The following CENPT variants were observed in gnomAD, a reference collection of about 807,000 sequenced individuals.
CENPT encodes centromere protein T.
A neutral mutation model predicts 59.7 loss-of-function variants in CENPT; 42 were observed. The ratio of observed to expected loss-of-function variants is 0.70; its 90% CI spans 0.55 to 0.91. The LOEUF (loss-of-function observed/expected upper bound fraction) is 0.91. CENPT is among the 40% of genes least tolerant of loss of function. CENPT has a pLI of 0.00. For missense variants in CENPT, 716 were observed against 713.4 expected, an observed-to-expected ratio of 1.00 and a Z score of -0.04; for synonymous variants, 295 against 289.6, an observed-to-expected ratio of 1.02 and a Z score of -0.19.
In CENPT at chr16:67,828,193, G is replaced by A; in HGVS notation, c.*74C>T. ...ACACTTTATTGATGCTGGGGGGGTGGGGAGGAGACCTGGAGAAATATGTGG... is the reference window on the plus strand; with the variant it reads ...ACACTTTATTGATGCTGGGGGGGTGAGGAGGAGACCTGGAGAAATATGTGG... On this transcript the variant is annotated 3_prime_UTR_variant, in exon 16 of 16. Transcript: ENST00000562787. The A allele has an allele frequency of 2.0e-6, 3 of 1,508,294 alleles. No individual in the cohort carries two copies. The Admixed American group carries it at 6.4e-5, about 32-fold the overall frequency. 93.4% of individuals were successfully genotyped at this position (1,508,294 alleles called of 1,614,324 possible). A position where few individuals can be genotyped will look rare whatever the true frequency, so the allele number is the denominator to read the frequency against.
intron 1 of CENPT, among the ~76,000 whole-genome samples, chr16:67,838,655 C>T (rs1032565013): frequency 3.3e-5 from 5 of 151,402 alleles, no homozygotes; most frequent in Non-Finnish European, 7.4e-5. Context: ...TGGCCAGGCG[C>T]GGTGGCTCAC....
chr16:67,844,529 A>G (rs1417358153), intron 1 of CENPT, among the ~76,000 whole-genome samples: 1 of 152,228 alleles, frequency 6.6e-6, no homozygotes, highest in East Asian at 1.9e-4. Context: ...TTCAATTCTC[A>G]GCTGGGATTG....
rs773369180 is a variant in CENPT at position 67,828,573 on chromosome 16, T to C, written c.1463A>G (p.Asp488Gly). 2.5e-6 allele frequency: 4 copies of C among 1,614,196 alleles called. No individual in the cohort carries two copies. Among genetic ancestry groups the C allele is most frequent in the Non-Finnish European group, 2.5e-6 (3 of 1,180,042 alleles). The change falls in exon 15 of 16, where the codon GAT becomes GGT. Residue 488 changes from aspartate to glycine, a missense_variant. Asp to Gly is a moderately conservative substitution (Grantham distance 94, BLOSUM62 -1). Transcript: ENST00000562787. ...ATCACAAAGATGCTGGAAATATTTA[T>C]CTAGGCTGTCAAGAAGGTGGGGATA... ...KALEMVEKCL[D>G]KYFQHLCDDL...
At chr16:67,829,743 C>A (rs369353260) in intron 12 of CENPT, 22 bp downstream of exon 12, 2 of 1,608,092 alleles carry the variant, frequency 1.2e-6, no homozygotes, top group Admixed American at 1.7e-5. Flanking sequence ...TCACCAGTCA[C>A]TCCCTGCACT....
At position 67,832,076 on chromosome 16, in the gene CENPT, C is replaced by A. The variant is rs1598143226; in HGVS notation, c.322G>T (p.Val108Leu). ...TGCGGTGCTGGCACTGGCTTCACTA[C>A]CGACTCAGGCATCAGGATGGAAGAT... is the stretch of plus-strand genomic sequence containing the variant. ...PESSILMPES[V>L]VKPVPAPQAV... Residue 108 changes from valine (V) to leucine (L), a missense_variant, in exon 7 of 16, where the codon GTA becomes TTA. Coordinates refer to ENST00000562787, the MANE Select transcript of CENPT (RefSeq NM_025082.4). The A allele has an allele frequency of 2.5e-6, 4 of 1,612,284 alleles. No homozygotes were observed. The highest frequency in any genetic ancestry group is 2.5e-6 in the Non-Finnish European group (3 of 1,178,766).
At chr16:67,847,166 T>G (rs2151291629) in intron 1 of CENPT, 1 of 147,928 alleles carries the variant, frequency 6.8e-6, no homozygotes, top group Middle Eastern at 3.4e-3. Context: ...GCCGGTCCTG[T>G]GAGGCGGCGG....
chr16:67,831,857 G>T lies in CENPT; in HGVS notation c.420C>A (p.Pro140=), dbSNP rs562051979. ...LELQLPELEP[P]TTLAPGLLAP... is the part of the protein sequence containing the mutation. ...CCAGCAGACCTGGAGCCAGGGTTGT[G>T]GGGGGCTCGAGCTCAGGAAGTTGCA... The change falls in exon 8 of 16, where the codon CCC becomes CCA. Residue 140 remains proline, a synonymous_variant. Transcript: ENST00000562787. 18 of 1,611,256 alleles carry T rather than the reference G, an allele frequency of 1.1e-5. No homozygotes were observed. The highest frequency in any genetic ancestry group is 6.7e-5 in the Admixed American group (4 of 59,454).
chr16:67,835,985 C>T (rs912034534), intron 1 of CENPT, among the ~76,000 whole-genome samples: 3 of 151,794 alleles, frequency 2.0e-5, no homozygotes, highest in South Asian at 2.1e-4. Context: ...CCTCATGATC[C>T]GCCTGCCTCA....
intron 10 of CENPT, 95 bp from the exon 11 acceptor site, chr16:67,830,643 A>G: frequency 7.5e-7 from 1 of 1,338,964 alleles, no homozygotes; most frequent in Non-Finnish European, 1.0e-6. Flanking sequence ...GCTGCTACTC[A>G]GCGTTGCCAG....
rs1555493246 is a variant in CENPT at position 67,832,028 on chromosome 16, C to T, written c.370G>A (p.Glu124Lys). The T allele has an allele frequency of 1.2e-6, 2 of 1,606,438 alleles. No individual in the cohort carries two copies. The highest frequency in any genetic ancestry group is 1.7e-6 in the Non-Finnish European group (2 of 1,175,108). ...APQAVQPSRQ[E>K]SSCGSLELQL... The stretch of plus-strand genomic sequence containing the variant: ...TCTGTGTACCTGCCGCAACTGCTCT[C>T]TTGTCTGGAGGGTTGGACCGCCTGC... The change falls in exon 7 of 16, where the codon GAG becomes AAG. Residue 124 changes from glutamate to lysine, a missense_variant. Physicochemically the swap from Glu to Lys is moderately conservative, Grantham distance 56. Transcript: ENST00000562787.
chr16:67,840,174 C>A (rs1411458850), intron 1 of CENPT, among the ~76,000 whole-genome samples: 1 of 150,952 alleles, frequency 6.6e-6, no homozygotes, highest in Non-Finnish European at 1.5e-5. Flanking sequence ...AAAAATTAGC[C>A]GGGCACGGTG....
rs186011782 is a variant in CENPT at position 67,834,617 on chromosome 16, T to C, written c.-241-517A>G. ...CAGAGAGAGACCCTGTATCAAAAAA[T>C]AATAAAAGCATTTTTAAAAGATCTG... On this transcript the variant is annotated intron_variant, in intron 3 of 15. Transcript: ENST00000562787. Among the ~76,000 whole-genome samples, 463 of 152,114 alleles carry C rather than the reference T, an allele frequency of 3.0e-3. 2 individuals carry two copies. The highest frequency in any genetic ancestry group is 5.3e-3 in the Non-Finnish European group (359 of 67,982).
chr16:67,829,066 T>G, intron 13 of CENPT: 1 of 548,948 alleles, frequency 1.8e-6, no homozygotes, highest in Non-Finnish European at 3.2e-6. Context: ...GACATCCTGG[T>G]TCAGACTTAT....
intron 10 of CENPT, chr16:67,830,832 G>A (rs977621854): frequency 1.2e-5 from 6 of 519,860 alleles, no homozygotes; most frequent in Middle Eastern, 5.1e-4. Flanking sequence ...ATACCTCTTC[G>A]CTGCTTGTTC....
intron 1 of CENPT, among the ~76,000 whole-genome samples, chr16:67,841,385 C>G (rs2057760266): frequency 6.6e-6 from 1 of 152,084 alleles, no homozygotes; most frequent in Non-Finnish European, 1.5e-5. Flanking sequence ...CCGGGCCACC[C>G]CTTTCCAGGC....
chr16:67,845,949 A>T (rs930815223), intron 1 of CENPT, among the ~76,000 whole-genome samples: 2 of 152,230 alleles, frequency 1.3e-5, no homozygotes, highest in African/African-American at 4.8e-5. Context: ...GAGTACTGAG[A>T]GACCTCCGGC....
intron 1 of CENPT, chr16:67,841,798 G>A (rs2057762828): frequency 6.6e-6 from 1 of 152,220 alleles, no homozygotes; most frequent in South Asian, 2.1e-4. Context: ...GCAAAGAAAG[G>A]GGCTCCTGAG....
At position 67,832,521 on chromosome 16, in the gene CENPT, C is replaced by T. The variant is rs371102408; in HGVS notation, c.135G>A (p.Thr45=). 7.7e-5 allele frequency: 125 copies of T among 1,613,986 alleles called. No homozygotes were observed. The highest frequency in any genetic ancestry group is 5.1e-4 in the African/African-American group (38 of 74,910). Residue 45 remains threonine (T), a synonymous_variant, in exon 5 of 16, where the codon ACG becomes ACA. Coordinates refer to ENST00000562787, the MANE Select transcript of CENPT (RefSeq NM_025082.4). ...RAGARRALLE[T]ASPRKLSGQT... ...GGCCACTCAACTTCCTGGGGGAAGCCGTTTCAAGCAGGGCTCTCCGGGCTC... is the reference window on the plus strand; with the variant it reads ...GGCCACTCAACTTCCTGGGGGAAGCTGTTTCAAGCAGGGCTCTCCGGGCTC...
chr16:67,830,938 C>T (rs933830984), intron 10 of CENPT: 2 of 536,052 alleles, frequency 3.7e-6, no homozygotes, highest in African/African-American at 3.8e-5. Flanking sequence ...GATCCTGAAA[C>T]CTGGCCCCTC....
Sources: gnomAD v4.1 joint callset for allele counts (sites outside exome capture counted in the v4.1 genomes callset) on GRCh38, gnomAD v4.1.1 for gene constraint, MANE v1.5 for transcripts, NCBI Gene and HGNC (gene_info 2026-07-23, HGNC 2026-07-21) for gene names.